The following SEC23IP variants were observed in gnomAD, a reference collection of about 807,000 sequenced individuals.
The protein encoded by SEC23IP is SEC23 interacting protein.
In SEC23IP, 70 loss-of-function variants were observed where a neutral mutation model predicts 113.4. That is an observed-to-expected ratio of 0.62 (90% CI 0.51 to 0.75). The LOEUF is 0.75. Ranked by LOEUF, SEC23IP falls within the 30% of genes least tolerant of loss-of-function variation. The pLI is 0.00. For synonymous variants in SEC23IP, 398 were observed against 421.0 expected (o/e 0.95, Z 0.67); for missense variants, 1,160 against 1,204.9 (o/e 0.96, Z 0.55).
At chr10:119,904,012 G>T in intron 3 of SEC23IP, 72 bp from the exon 4 acceptor site, 1 of 1,510,302 alleles carries the variant, frequency 6.6e-7, no homozygotes, top group South Asian at 1.2e-5. Flanking sequence ...GAGCCACTGC[G>T]CCCAGCAGAT....
rs764565374 is a variant in SEC23IP at position 119,917,864 on chromosome 10, A to G, written c.1573A>G (p.Ile525Val). The G allele has an allele frequency of 2.5e-6, 4 of 1,613,986 alleles. No homozygotes were observed. The highest frequency in any genetic ancestry group is 1.7e-6 in the Non-Finnish European group (2 of 1,179,918). ...RNIKKITLPSIGRFRHFTNET... is the reference protein window; with the variant it reads ...RNIKKITLPSVGRFRHFTNET... ...TATTAAGAAAATCACTTTGCCAAGT[A>G]TTGGTCGATTTCGTCACTTTACCAA... The change falls in exon 9 of 19, where the codon ATT becomes GTT. Residue 525 changes from isoleucine to valine, a missense_variant. By Grantham distance (29) the Ile-to-Val change is conservative (BLOSUM62 3). Transcript: ENST00000369075.
At chr10:119,898,230 T>C in intron 1 of SEC23IP, 197 bp from the exon 2 acceptor site, 1 of 987,630 alleles carries the variant, frequency 1.0e-6, no homozygotes, top group Non-Finnish European at 1.4e-6. Context: ...TGTTTTCTTA[T>C]TCATGTTTTC....
intron 10 of SEC23IP, among the ~76,000 whole-genome samples, chr10:119,919,062 C>T (rs575962773): frequency 2.1e-5 from 3 of 145,124 alleles, no homozygotes; most frequent in East Asian, 2.0e-4. Context: ...GGTGTGATCT[C>T]GGCTCACTGC....
At chr10:119,923,817 G>A (rs1855329360) in intron 12 of SEC23IP, among the ~76,000 whole-genome samples, 1 of 152,126 alleles carries the variant, frequency 6.6e-6, no homozygotes, top group Admixed American at 6.5e-5. Context: ...CCAAAGTGCT[G>A]GGATTACAGG....
At chr10:119,902,193 C>T (rs1854516862) in intron 2 of SEC23IP, among the ~76,000 whole-genome samples, 1 of 152,116 alleles carries the variant, frequency 6.6e-6, no homozygotes, top group African/African-American at 2.4e-5. Flanking sequence ...CCTGTCTCTA[C>T]TAAAAATACA....
Position 119,917,904 on chromosome 10 carries a change from A to T in SEC23IP, c.1613A>T (p.Asp538Val). 6.2e-7 allele frequency: 1 copy of T among 1,614,098 alleles called. No homozygotes were observed. The highest frequency in any genetic ancestry group is 8.5e-7 in the Non-Finnish European group (1 of 1,179,974). The change falls in exon 9 of 19, where the codon GAT becomes GTT. Residue 538 changes from aspartate (D) to valine (V), a missense_variant. Coordinates refer to ENST00000369075, the MANE Select transcript of SEC23IP (RefSeq NM_007190.4). ...FRHFTNETLL[D>V]ILFYNSPTYC... ...CACTTTACCAATGAAACTTTGCTAG[A>T]TATTTTATTTTATAACAGCCCCACC... is the stretch of plus-strand genomic sequence containing the variant.
chr10:119,894,973 A>G (rs1233252424), intron 1 of SEC23IP, among the ~76,000 whole-genome samples: 1 of 152,002 alleles, frequency 6.6e-6, no homozygotes, highest in Non-Finnish European at 1.5e-5. Flanking sequence ...TCATCTCTAA[A>G]AATCTCAGAA....
At chr10:119,938,105 A>G (rs1167425683) in intron 18 of SEC23IP, among the ~76,000 whole-genome samples, 1 of 151,470 alleles carries the variant, frequency 6.6e-6, no homozygotes, top group Non-Finnish European at 1.5e-5. Flanking sequence ...AGCCTGGGCA[A>G]CATAGTGAAA....
intron 18 of SEC23IP, among the ~76,000 whole-genome samples, chr10:119,936,180 G>C (rs557642676): frequency 8.5e-5 from 13 of 152,220 alleles, no homozygotes; most frequent in Admixed American, 3.9e-4. Flanking sequence ...CTGATATGTA[G>C]TTTTACACAC....
At chr10:119,909,325 CAAAA>C (rs1854781095) in intron 5 of SEC23IP, among the ~76,000 whole-genome samples, 195 bp downstream of exon 5, 2 of 152,026 alleles carry the variant, frequency 1.3e-5, no homozygotes, top group South Asian at 4.2e-4. Flanking sequence ...ATCATAGAAA[CAAAA>C]ACACAAATTT....
chr10:119,940,256 T>C (rs1855922893), intron 18 of SEC23IP, among the ~76,000 whole-genome samples: 1 of 151,368 alleles, frequency 6.6e-6, no homozygotes. Context: ...GGCGTCATCT[T>C]GGCTCACTGC....
At chr10:119,907,271 G>A (rs915486624) in intron 4 of SEC23IP, among the ~76,000 whole-genome samples, 1 of 151,810 alleles carries the variant, frequency 6.6e-6, no homozygotes, top group South Asian at 2.1e-4. Flanking sequence ...ACTCCAACCT[G>A]GGTGACAGAG....
intron 1 of SEC23IP, among the ~76,000 whole-genome samples, chr10:119,895,567 G>T (rs574222152): frequency 1.3e-5 from 2 of 152,280 alleles, no homozygotes; most frequent in East Asian, 3.9e-4. Context: ...TTGATAGATG[G>T]CTATGAATGC....
At chr10:119,903,967 C>G (rs1854577015) in intron 3 of SEC23IP, 117 bp from the exon 4 acceptor site, 5 of 1,052,290 alleles carry the variant, frequency 4.8e-6, no homozygotes, top group Non-Finnish European at 6.9e-6. Flanking sequence ...TGATCCACCT[C>G]TCTCGGCCTC....
intron 2 of SEC23IP, among the ~76,000 whole-genome samples, chr10:119,900,195 A>G (rs71482899): frequency 0.055 from 8,397 of 152,188 alleles, 428 homozygotes; most frequent in South Asian, 0.27. Flanking sequence ...TGCAGCTATG[A>G]ATCTCAGGAA....
intron 6 of SEC23IP, 74 bp from the exon 7 acceptor site, chr10:119,914,656 T>A (rs891402458): frequency 1.7e-6 from 2 of 1,164,288 alleles, no homozygotes; most frequent in Non-Finnish European, 2.6e-6. Flanking sequence ...GAAAGGGATA[T>A]CTAGAATATT....
At chr10:119,896,461 G>A (rs769562158) in intron 1 of SEC23IP, among the ~76,000 whole-genome samples, 3 of 152,136 alleles carry the variant, frequency 2.0e-5, no homozygotes, top group African/African-American at 2.4e-5. Flanking sequence ...GATAAACTCC[G>A]TTTTAGGCTT....
chr10:119,920,771 A>C, intron 11 of SEC23IP, 118 bp from the exon 12 acceptor site: 1 of 617,764 alleles, frequency 1.6e-6, no homozygotes, highest in Non-Finnish European at 2.7e-6. Context: ...TAACTTGTAA[A>C]AAGTTGAGTG....
At chr10:119,937,303 G>A (rs1424243828) in intron 18 of SEC23IP, among the ~76,000 whole-genome samples, 3 of 151,616 alleles carry the variant, frequency 2.0e-5, no homozygotes, top group East Asian at 1.9e-4. Flanking sequence ...TTTTTTTGGC[G>A]GCAGTTTGAG....
Sources: allele counts gnomAD v4.1 joint callset (sites outside exome capture counted in the v4.1 genomes callset), GRCh38; gene constraint gnomAD v4.1.1; transcripts MANE v1.5; gene names NCBI Gene and HGNC (gene_info 2026-07-23, HGNC 2026-07-21).